Variants in CDH18 observed in about 807,000 individuals in gnomAD.
The protein encoded by CDH18 is cadherin-18.
A neutral mutation model predicts 67.9 loss-of-function variants in CDH18; 31 were observed. The observed-to-expected ratio is 0.46, with a 90% CI of 0.34 to 0.62. The LOEUF is 0.62. CDH18 is among the 20% of genes least tolerant of loss of function. The probability of loss-of-function intolerance (pLI) is 0.01; values close to 1 mark genes in which losing one functional copy is unlikely to be tolerated. For synonymous variants in CDH18, 362 were observed against 347.2 expected, an observed-to-expected ratio of 1.04 and a Z score of -0.48; for missense variants, 890 against 975.5, an observed-to-expected ratio of 0.91 and a Z score of 1.17.
intron 1 of CDH18, among the ~76,000 whole-genome samples, chr5:20,525,027 T>C (rs1755965627): frequency 6.6e-6 from 1 of 152,200 alleles, no homozygotes; most frequent in Non-Finnish European, 1.5e-5. Context: ...TGAGGGCTGA[T>C]GTTGGCTTGC....
intron 1 of CDH18, among the ~76,000 whole-genome samples, chr5:20,488,673 T>TTATATATATATATATATATATA (rs34690857): frequency 4.0e-4 from 51 of 126,936 alleles, no homozygotes; most frequent in Non-Finnish European, 6.4e-4. Context: ...GGGTAGTGTT[T>TTATATATATATATATATATATA]TATATATATA....
chr5:19,921,059 T>A (rs73059673), intron 2 of CDH18, among the ~76,000 whole-genome samples: 2,723 of 151,948 alleles, frequency 0.018, 63 homozygotes, highest in African/African-American at 0.059. Context: ...ACCTCAACCA[T>A]GATATGAAAA....
chr5:19,827,387 T>C (rs1474960693), intron 3 of CDH18, among the ~76,000 whole-genome samples: 1 of 149,512 alleles, frequency 6.7e-6, no homozygotes, highest in Non-Finnish European at 1.5e-5. Flanking sequence ...ACCAAATGAG[T>C]TTAACAAATA....
chr5:19,713,049 C>A (rs1048928813), intron 5 of CDH18, among the ~76,000 whole-genome samples: 4 of 151,730 alleles, frequency 2.6e-5, no homozygotes, highest in African/African-American at 9.7e-5. Context: ...AATAAATTAA[C>A]TAGTATTAAT....
chr5:19,994,772 G>GATGT (rs1561696206), intron 2 of CDH18, among the ~76,000 whole-genome samples: 2 of 98,536 alleles, frequency 2.0e-5, no homozygotes, highest in African/African-American at 4.2e-5. Flanking sequence ...GAGAGAGAGA[G>GATGT]AGAGAGAGAG....
intron 1 of CDH18, among the ~76,000 whole-genome samples, chr5:20,431,414 A>C (rs889232746): frequency 9.9e-5 from 15 of 150,976 alleles, no homozygotes; most frequent in Non-Finnish European, 1.9e-4. Flanking sequence ...AATTGTTTGA[A>C]CCCAGAAAGG....
intron 5 of CDH18, among the ~76,000 whole-genome samples, chr5:19,684,312 A>C (rs1173936427): frequency 6.6e-6 from 1 of 151,724 alleles, no homozygotes; most frequent in Non-Finnish European, 1.5e-5. Context: ...TTTAATTTAT[A>C]CATTTTTCTA....
intron 10 of CDH18, among the ~76,000 whole-genome samples, chr5:19,504,078 T>C (rs761339026): frequency 1.2e-4 from 18 of 152,240 alleles, no homozygotes; most frequent in Non-Finnish European, 2.6e-4. Flanking sequence ...CCAAAGGATA[T>C]CACAGTTAAA....
chr5:20,035,752 CT>C (rs1561735224), intron 2 of CDH18, among the ~76,000 whole-genome samples: 1 of 151,932 alleles, frequency 6.6e-6, no homozygotes. Flanking sequence ...TATCAGTCAT[CT>C]TTTTTTAAAA....
intron 5 of CDH18, among the ~76,000 whole-genome samples, chr5:19,673,536 T>C (rs957437394): frequency 2.6e-5 from 4 of 152,018 alleles, no homozygotes; most frequent in African/African-American, 9.7e-5. Flanking sequence ...TTGGAAAGAA[T>C]TATAAATCAT....
At chr5:19,874,303 T>G (rs1031520826) in intron 2 of CDH18, among the ~76,000 whole-genome samples, 4 of 152,166 alleles carry the variant, frequency 2.6e-5, no homozygotes, top group African/African-American at 9.7e-5. Context: ...CAGTCCTCAT[T>G]TTATTACATC....
At chr5:19,675,899 T>C (rs919320353) in intron 5 of CDH18, among the ~76,000 whole-genome samples, 1 of 152,010 alleles carries the variant, frequency 6.6e-6, no homozygotes, top group East Asian at 1.9e-4. Flanking sequence ...TAAACGTCCA[T>C]GAAATCTTCA....
intron 9 of CDH18, among the ~76,000 whole-genome samples, chr5:19,534,012 C>G (rs1219854737): frequency 6.6e-6 from 1 of 152,046 alleles, no homozygotes; most frequent in East Asian, 1.9e-4. Flanking sequence ...AATTGTCTTA[C>G]AATATGATAC....
intron 2 of CDH18, among the ~76,000 whole-genome samples, chr5:19,960,569 G>GTGTGTGTA (rs1266856205): frequency 8.0e-6 from 1 of 125,126 alleles, no homozygotes; most frequent in African/African-American, 4.1e-5. Context: ...GTATGTGTGT[G>GTGTGTGTA]TGTGTGTGTG....
At chr5:20,505,288 T>A (rs971296724) in intron 1 of CDH18, among the ~76,000 whole-genome samples, 1 of 152,114 alleles carries the variant, frequency 6.6e-6, no homozygotes, top group Non-Finnish European at 1.5e-5. Flanking sequence ...ATTGGAGAAG[T>A]TTTAGAAAGA....
chr5:20,563,412 T>C (rs1269241497), intron 1 of CDH18, among the ~76,000 whole-genome samples: 1 of 152,164 alleles, frequency 6.6e-6, no homozygotes, highest in African/African-American at 2.4e-5. Context: ...TTTATACTTT[T>C]GGCATAGCCA....
chr5:20,292,818 A>G (rs922798936), intron 1 of CDH18, among the ~76,000 whole-genome samples: 4 of 151,990 alleles, frequency 2.6e-5, no homozygotes, highest in African/African-American at 9.7e-5. Context: ...TGTGTGTGTT[A>G]CTTTCTGTTT....
intron 3 of CDH18, among the ~76,000 whole-genome samples, chr5:19,768,029 A>T (rs1773308517): frequency 6.6e-6 from 1 of 152,126 alleles, no homozygotes. Flanking sequence ...AGATCCACAA[A>T]TCAAGGTCAA....
intron 9 of CDH18, among the ~76,000 whole-genome samples, chr5:19,536,269 T>G (rs768792182): frequency 6.6e-6 from 1 of 152,216 alleles, no homozygotes; most frequent in African/African-American, 2.4e-5. Flanking sequence ...GAAAAGAAAC[T>G]GTACATTTGT....
Sources: allele counts gnomAD v4.1 joint callset (sites outside exome capture counted in the v4.1 genomes callset), GRCh38; gene constraint gnomAD v4.1.1; transcripts MANE v1.5; gene names NCBI Gene and HGNC (gene_info 2026-07-23, HGNC 2026-07-21).